The following OSBPL9 variants were observed in gnomAD, a reference collection of about 807,000 sequenced individuals.
OSBPL9 encodes the protein oxysterol-binding protein-related protein 9.
OSBPL9 carries 40 observed loss-of-function variants against 106.6 expected under a neutral mutation model. The ratio of observed to expected loss-of-function variants is 0.38; its 90% CI spans 0.29 to 0.49. The LOEUF (loss-of-function observed/expected upper bound fraction) is 0.49. OSBPL9 is among the 20% of genes least tolerant of loss of function. OSBPL9 has a pLI of 0.97. For missense variants in OSBPL9, 609 were observed against 887.2 expected, an observed-to-expected ratio of 0.69 and a Z score of 3.98; for synonymous variants, 269 against 295.4, an observed-to-expected ratio of 0.91 and a Z score of 0.92.
At chr1:51,706,112 T>G (rs1460670483) in intron 3 of OSBPL9, among the ~76,000 whole-genome samples, 1 of 152,200 alleles carries the variant, frequency 6.6e-6, no homozygotes, top group Non-Finnish European at 1.5e-5. Flanking sequence ...TCTTTTTCCA[T>G]TATCTGGAAG....
chr1:51,781,099 GTT>G (rs971905908), intron 15 of OSBPL9, 63 bp from the exon 16 acceptor site: 2 of 1,507,406 alleles, frequency 1.3e-6, no homozygotes, highest in African/African-American at 2.8e-5. Context: ...CATGCTGGGG[GTT>G]GTTGCATCAT....
At chr1:51,555,116 A>T in the OSBPL9 span, among the ~76,000 whole-genome samples, 10,786 of 152,286 alleles carry the variant, frequency 0.071, 442 homozygotes, top group Middle Eastern at 0.1. Context: ...TCACTCTGCT[A>T]GCCTCCAAAT....
intron 4 of OSBPL9, among the ~76,000 whole-genome samples, chr1:51,744,928 A>G (rs1299210960): frequency 6.6e-6 from 1 of 152,214 alleles, no homozygotes; most frequent in African/African-American, 2.4e-5. Context: ...GTCTAAGTGT[A>G]GTGTTCATGC....
At chr1:51,597,409 GTA>G (rs374626875) in intron 1 of OSBPL9, among the ~76,000 whole-genome samples, 162 of 135,672 alleles carry the variant, frequency 1.2e-3, no homozygotes, top group African/African-American at 2.4e-3. Context: ...ATATATGTGT[GTA>G]TATATATATA....
chr1:51,644,799 G>C (rs925721481), intron 1 of OSBPL9, among the ~76,000 whole-genome samples: 2 of 151,980 alleles, frequency 1.3e-5, no homozygotes, highest in Non-Finnish European at 2.9e-5. Flanking sequence ...CACTTTACTC[G>C]GTCCTCTAAT....
chr1:51,629,618 T>G (rs1350173652), intron 1 of OSBPL9, among the ~76,000 whole-genome samples: 1 of 152,086 alleles, frequency 6.6e-6, no homozygotes, highest in Non-Finnish European at 1.5e-5. Flanking sequence ...GAAATGCAAC[T>G]GACAAAAGGC....
intron 4 of OSBPL9, among the ~76,000 whole-genome samples, chr1:51,717,602 C>CT (rs1661290897): frequency 6.6e-6 from 1 of 151,624 alleles, no homozygotes. Flanking sequence ...GAAAAGGTGC[C>CT]TAACATCATT....
At chr1:51,669,107 G>A (rs1649230347) in intron 2 of OSBPL9, among the ~76,000 whole-genome samples, 1 of 152,130 alleles carries the variant, frequency 6.6e-6, no homozygotes, top group Admixed American at 6.5e-5. Context: ...ATTTTAGAGA[G>A]CATTCTGAAG....
intron 12 of OSBPL9, among the ~76,000 whole-genome samples, chr1:51,767,245 T>C (rs972063987): frequency 6.0e-5 from 9 of 150,146 alleles, no homozygotes; most frequent in Non-Finnish European, 1.0e-4. Context: ...ATACAAAAAT[T>C]AGCTGAGTGT....
chr1:51,711,776 G>A (rs1221378261), intron 3 of OSBPL9, among the ~76,000 whole-genome samples: 2 of 150,232 alleles, frequency 1.3e-5, no homozygotes, highest in Non-Finnish European at 3.0e-5. Flanking sequence ...TCCCAGATGG[G>A]GCGGCGGGGC....
chr1:51,640,801 T>TA (rs71247589), intron 1 of OSBPL9, among the ~76,000 whole-genome samples: 1 of 128,552 alleles, frequency 7.8e-6, no homozygotes, highest in Non-Finnish European at 1.7e-5. Flanking sequence ...GTAAAGATAA[T>TA]TTTTTTTTTT....
intron 7 of OSBPL9, among the ~76,000 whole-genome samples, chr1:51,749,085 CAAA>C (rs775561523): frequency 7.4e-6 from 1 of 134,528 alleles, no homozygotes. Flanking sequence ...AACTGTGTCT[CAAA>C]AAAAAAAAAA....
intron 2 of OSBPL9, among the ~76,000 whole-genome samples, chr1:51,606,506 A>G (rs1643949133): frequency 6.6e-6 from 1 of 152,242 alleles, no homozygotes; most frequent in Admixed American, 6.5e-5. Context: ...GGAAGAGGGC[A>G]TGAGAATTCT....
intron 12 of OSBPL9, among the ~76,000 whole-genome samples, chr1:51,770,803 CCTAATATTCTAGTGTT>C (rs1191810310): frequency 6.6e-6 from 1 of 152,066 alleles, no homozygotes; most frequent in South Asian, 2.1e-4. Flanking sequence ...TTTAGAATAT[CCTAATATTCTAGTGTT>C]CTAATACAGG....
At chr1:51,713,307 G>T (rs918080855) in intron 3 of OSBPL9, among the ~76,000 whole-genome samples, 14 of 151,998 alleles carry the variant, frequency 9.2e-5, no homozygotes, top group African/African-American at 3.4e-4. Flanking sequence ...CCGCCACCAT[G>T]CCTGGCTAAT....
At chr1:51,587,192 C>A (rs1645251508) in intron 1 of OSBPL9, among the ~76,000 whole-genome samples, 1 of 152,104 alleles carries the variant, frequency 6.6e-6, no homozygotes, top group Non-Finnish European at 1.5e-5. Context: ...ATGAGAAACC[C>A]CATCTCTACT....
At chr1:51,602,988 T>C (rs1164310862) in intron 2 of OSBPL9, among the ~76,000 whole-genome samples, 2 of 152,124 alleles carry the variant, frequency 1.3e-5, no homozygotes, top group Non-Finnish European at 2.9e-5. Flanking sequence ...AAACCCTTTC[T>C]TGGCAAAAAA....
At chr1:51,769,840 T>C (rs1673451443) in intron 12 of OSBPL9, among the ~76,000 whole-genome samples, 1 of 152,166 alleles carries the variant, frequency 6.6e-6, no homozygotes, top group African/African-American at 2.4e-5. Context: ...ACAGCATAAA[T>C]AGGACCTTTG....
intron 11 of OSBPL9, among the ~76,000 whole-genome samples, chr1:51,763,976 A>T (rs1672061568): frequency 1.3e-5 from 2 of 152,204 alleles, no homozygotes; most frequent in Non-Finnish European, 2.9e-5. Context: ...TACTTCCAGA[A>T]GATAATCTTC....
Sources: gnomAD v4.1 joint callset for allele counts (sites outside exome capture counted in the v4.1 genomes callset) on GRCh38, gnomAD v4.1.1 for gene constraint, MANE v1.5 for transcripts, NCBI Gene and HGNC (gene_info 2026-07-23, HGNC 2026-07-21) for gene names.